The following SUN3 variants were observed in gnomAD, a reference collection of about 807,000 sequenced individuals.
SUN3 encodes the protein SUN domain-containing protein 3.
In SUN3, 36 loss-of-function variants were observed where a neutral mutation model predicts 48.2. The ratio of observed to expected loss-of-function variants is 0.75; its 90% CI spans 0.57 to 0.99. The LOEUF is 0.99. Among genes scored for constraint, SUN3 ranks in the 50% least tolerant of loss-of-function variants. The probability of loss-of-function intolerance (pLI) is 0.00; values close to 1 mark genes in which losing one functional copy is unlikely to be tolerated. For missense variants in SUN3, 419 were observed against 433.1 expected (o/e 0.97, Z 0.29); for synonymous variants, 148 against 147.9 (o/e 1.00, Z 0.00).
At chr7:48,022,936 T>A (rs1790040474) in intron 2 of SUN3, among the ~76,000 whole-genome samples, 1 of 151,846 alleles carries the variant, frequency 6.6e-6, no homozygotes, top group African/African-American at 2.4e-5. Flanking sequence ...GCAGAAAAAA[T>A]TAACATATTC....
chr7:47,988,226 A>C (rs967234819), intron 9 of SUN3, among the ~76,000 whole-genome samples: 1 of 152,204 alleles, frequency 6.6e-6, no homozygotes, highest in Non-Finnish European at 1.5e-5. Context: ...TACATGATAT[A>C]AAATGTCTTC....
At chr7:48,017,525 C>A (rs899683370) in intron 2 of SUN3, among the ~76,000 whole-genome samples, 160 bp from the exon 3 acceptor site, 6 of 152,028 alleles carry the variant, frequency 3.9e-5, no homozygotes, top group African/African-American at 1.4e-4. Flanking sequence ...ATAGTACACA[C>A]AAAAAATCAG....
chr7:48,008,301 A>C (rs76131059), intron 4 of SUN3, among the ~76,000 whole-genome samples: 3,975 of 152,354 alleles, frequency 0.026, 170 homozygotes, highest in African/African-American at 0.09. Flanking sequence ...ATTTAGAAGA[A>C]ATAAACACTG....
Position 48,025,903 on chromosome 7 carries a change from A to G in SUN3, c.158T>C (p.Met53Thr). 1.2e-6 allele frequency: 2 copies of G among 1,603,546 alleles called. No individual in the cohort carries two copies. Among genetic ancestry groups the G allele is most frequent in the Non-Finnish European group, 1.7e-6 (2 of 1,173,052 alleles). ...TRSWKIILST[M>T]LTLTFLLVGL... ...TACAAGAAGAAAAGTCAGTGTAAGCATTGTACTTAGAATAATCTTCCATGA... is the reference window on the plus strand; with the variant it reads ...TACAAGAAGAAAAGTCAGTGTAAGCGTTGTACTTAGAATAATCTTCCATGA... The change falls in exon 2 of 10, where the codon ATG becomes ACG. Residue 53 changes from methionine (M) to threonine (T), a missense_variant. Physicochemically the swap from Met to Thr is moderately conservative, Grantham distance 81. Transcript: ENST00000297325.
chr7:48,019,312 A>G (rs900644843), intron 2 of SUN3, among the ~76,000 whole-genome samples: 5 of 152,188 alleles, frequency 3.3e-5, no homozygotes, highest in African/African-American at 4.8e-5. Flanking sequence ...CTAAGAGGGA[A>G]GATTATAGTT....
At chr7:48,001,194 G>A (rs1017856502) in intron 6 of SUN3, among the ~76,000 whole-genome samples, 11 of 152,074 alleles carry the variant, frequency 7.2e-5, no homozygotes, top group Admixed American at 4.6e-4. Context: ...CAGGTGTTAA[G>A]CCTAGTATCC....
rs745348452 is a variant in SUN3 at position 47,996,090 on chromosome 7, A to G, written c.634T>C (p.Leu212=). The G allele has an allele frequency of 1.3e-6, 2 of 1,595,760 alleles. No individual in the cohort carries two copies. The highest frequency in any genetic ancestry group is 1.7e-6 in the Non-Finnish European group (2 of 1,174,204). ...AGGAAACCTATCCCATGCCAGTACA[A>G]TTTTGCTTTATTATTTTTATAACTT... is the stretch of plus-strand genomic sequence containing the variant. The part of the protein sequence containing the change: ...SESYKNNKAK[L]YWHGIGFLNH... Residue 212 remains leucine (L), a synonymous_variant, in exon 7 of 10, where the codon TTG becomes CTG. Coordinates refer to ENST00000297325, the MANE Select transcript of SUN3 (RefSeq NM_001030019.2).
intron 8 of SUN3, among the ~76,000 whole-genome samples, chr7:47,992,970 A>G (rs1433491050): frequency 6.6e-6 from 1 of 151,970 alleles, no homozygotes; most frequent in Non-Finnish European, 1.5e-5. Flanking sequence ...GGGCAACATA[A>G]TAAGACCCTT....
intron 6 of SUN3, among the ~76,000 whole-genome samples, chr7:48,001,645 T>C (rs1450106296): frequency 3.3e-5 from 5 of 149,318 alleles, no homozygotes; most frequent in Admixed American, 1.4e-4. Context: ...ACCATTCTCC[T>C]GCCTCAGCCT....
At chr7:48,000,629 T>C (rs1336826433) in intron 6 of SUN3, among the ~76,000 whole-genome samples, 2 of 152,250 alleles carry the variant, frequency 1.3e-5, no homozygotes, top group African/African-American at 2.4e-5. Flanking sequence ...TTTCACTGGA[T>C]CTACAATTCT....
intron 6 of SUN3, among the ~76,000 whole-genome samples, chr7:47,996,684 C>A (rs1056121733): frequency 6.6e-6 from 1 of 151,930 alleles, no homozygotes; most frequent in Non-Finnish European, 1.5e-5. Flanking sequence ...GTATTTTATA[C>A]AGAATAAATA....
chr7:48,019,977 C>CAAAAAAAAAAAAAA (rs869166401), intron 2 of SUN3, among the ~76,000 whole-genome samples: 120 of 64,110 alleles, frequency 1.9e-3, no homozygotes, highest in East Asian at 3.1e-3. Context: ...AAAGACACAT[C>CAAAAAAAAAAAAAA]AAAAAAAAAA....
At chr7:47,995,249 G>A (rs1190935249) in intron 7 of SUN3, among the ~76,000 whole-genome samples, 1 of 151,132 alleles carries the variant, frequency 6.6e-6, no homozygotes, top group African/African-American at 2.4e-5. Context: ...GGTGGTGGTG[G>A]CAGTGATGGT....
chr7:48,026,512 A>G (rs1790138109), intron 1 of SUN3, among the ~76,000 whole-genome samples: 1 of 151,926 alleles, frequency 6.6e-6, no homozygotes. Flanking sequence ...GAACACATCC[A>G]TGAAACCTCA....
At chr7:47,989,373 A>G (rs1300204571) in intron 8 of SUN3, among the ~76,000 whole-genome samples, 1 of 152,236 alleles carries the variant, frequency 6.6e-6, no homozygotes, top group Non-Finnish European at 1.5e-5. Context: ...ATTTCCTCTG[A>G]AAAGTAAGCT....
At chr7:48,020,354 G>A (rs1277350138) in intron 2 of SUN3, among the ~76,000 whole-genome samples, 1 of 152,082 alleles carries the variant, frequency 6.6e-6, no homozygotes, top group African/African-American at 2.4e-5. Flanking sequence ...TCCACAGCTG[G>A]TATCACACTG....
At chr7:48,035,612 G>A in the SUN3 span, 1 of 690,480 alleles carries the variant, frequency 1.4e-6, no homozygotes, top group South Asian at 1.5e-5. The surrounding 1 kb of genome is among the most constrained non-coding windows in gnomAD (Gnocchi z 4.0). Flanking sequence ...CAGCACCCAC[G>A]GAGACCCGCG....
intron 7 of SUN3, among the ~76,000 whole-genome samples, chr7:47,995,730 G>A (rs1355194036): frequency 1.3e-5 from 2 of 152,114 alleles, no homozygotes; most frequent in Non-Finnish European, 1.5e-5. Context: ...GAAAAGGATG[G>A]TCACAGAATC....
At chr7:48,028,047 C>A (rs1790182891) in intron 1 of SUN3, among the ~76,000 whole-genome samples, 1 of 152,090 alleles carries the variant, frequency 6.6e-6, no homozygotes, top group Non-Finnish European at 1.5e-5. Context: ...GTGCCTTCAC[C>A]CAGCCAGTGG....
Sources: gnomAD v4.1 joint callset for allele counts (sites outside exome capture counted in the v4.1 genomes callset) on GRCh38, gnomAD v4.1.1 for gene constraint, Gnocchi (gnomAD v3.1) non-coding constraint, MANE v1.5 for transcripts, NCBI Gene and HGNC (gene_info 2026-07-23, HGNC 2026-07-21) for gene names.